Variants in SCAI observed in about 807,000 individuals in gnomAD.
SCAI encodes protein SCAI.
SCAI carries 24 observed loss-of-function variants against 92.2 expected under a neutral mutation model. The observed-to-expected ratio is 0.26, with a 90% CI of 0.19 to 0.37. The LOEUF is 0.37. Among genes scored for constraint, SCAI ranks in the 10% least tolerant of loss-of-function variants. SCAI has a pLI of 1.00. For missense variants in SCAI, 450 were observed against 736.2 expected (o/e 0.61, Z 4.50); for synonymous variants, 261 against 258.6 (o/e 1.01, Z -0.09).
chr9:125,021,487 G>A (rs1314773345), intron 6 of SCAI, among the ~76,000 whole-genome samples: 1 of 151,960 alleles, frequency 6.6e-6, no homozygotes, highest in Non-Finnish European at 1.5e-5. Context: ...CTACTTCTTT[G>A]TTATTGTTCT....
At chr9:124,989,564 AGAGT>A (rs1832072949) in intron 14 of SCAI, among the ~76,000 whole-genome samples, 2 of 151,728 alleles carry the variant, frequency 1.3e-5, no homozygotes, top group African/African-American at 4.8e-5. Flanking sequence ...CTGGGTGACA[AGAGT>A]GAGACTGCAT....
intron 17 of SCAI, among the ~76,000 whole-genome samples, chr9:124,960,871 C>T (rs1831422276): frequency 6.6e-6 from 1 of 152,166 alleles, no homozygotes; most frequent in Non-Finnish European, 1.5e-5. Context: ...TATTACCCCA[C>T]TTTGGGAGGC....
intron 2 of SCAI, among the ~76,000 whole-genome samples, chr9:125,075,463 C>T (rs1298534312): frequency 6.6e-6 from 1 of 151,228 alleles, no homozygotes; most frequent in Non-Finnish European, 1.5e-5. Context: ...GTGGCATGAT[C>T]TCCCGGCTCA....
rs144047566 is a variant in SCAI, at chr9:124,983,162, T to TAA, written c.1327-6978_1327-6977dup. On this transcript the variant is annotated intron_variant, in intron 14 of 17. Transcript: ENST00000336505. ...GGTGACAGAATGAAAACCTGTCTCT[T>TAA]AAAAAAAAAAAAAAAAGCATTCACT... Among the ~76,000 whole-genome samples the TAA allele has an allele frequency of 1.6e-4, 22 of 138,744 alleles. No homozygotes were observed. The South Asian group carries it at 2.3e-3, about 15-fold the overall frequency. 91.0% of individuals were successfully genotyped at this position (138,744 alleles called of 152,430 possible).
intron 2 of SCAI, among the ~76,000 whole-genome samples, chr9:125,141,948 G>A (rs2131280433): frequency 6.6e-6 from 1 of 152,124 alleles, no homozygotes; most frequent in African/African-American, 2.4e-5. Context: ...TTTGAGGCAG[G>A]GTCTTGCTGT....
At chr9:124,979,609 G>A (rs996502503) in intron 14 of SCAI, among the ~76,000 whole-genome samples, 68 of 152,240 alleles carry the variant, frequency 4.5e-4, no homozygotes, top group African/African-American at 1.6e-3. Context: ...TTTTCTAAAA[G>A]GATAAGAAAC....
At chr9:124,959,292 G>GA (rs371851172) in intron 17 of SCAI, among the ~76,000 whole-genome samples, 20,509 of 128,226 alleles carry the variant, frequency 0.16, 1,779 homozygotes, top group Admixed American at 0.25. Context: ...CATTTCAAAT[G>GA]AAAAAAAAAA....
intron 11 of SCAI, among the ~76,000 whole-genome samples, chr9:125,002,451 T>C (rs1280496836): frequency 6.6e-6 from 1 of 150,996 alleles, no homozygotes; most frequent in Admixed American, 6.6e-5. Context: ...CTTGACTATA[T>C]AAGAAGCCTA....
chr9:124,995,861 C>T (rs1030837438), intron 13 of SCAI, among the ~76,000 whole-genome samples: 11 of 152,068 alleles, frequency 7.2e-5, no homozygotes, highest in African/African-American at 2.7e-4. Flanking sequence ...GACTGGCCCA[C>T]AGAAGAGCTA....
chr9:125,066,308 T>C (rs1373637314), intron 2 of SCAI, among the ~76,000 whole-genome samples: 1 of 152,174 alleles, frequency 6.6e-6, no homozygotes, highest in Non-Finnish European at 1.5e-5. Flanking sequence ...TTCTAAAATC[T>C]ACAGAAGTGT....
chr9:125,136,895 G>T (rs573436212), intron 2 of SCAI, among the ~76,000 whole-genome samples: 1 of 151,772 alleles, frequency 6.6e-6, no homozygotes, highest in Non-Finnish European at 1.5e-5. Flanking sequence ...CAAGTAACTG[G>T]GATTACAGGC....
At position 125,113,903 on chromosome 9, in the gene SCAI, G is replaced by A. The variant is rs555236352; in HGVS notation, c.98+28730C>T. ...CTTGAAAGCGGGAGGCGGAGTCTGC[G>A]GTGAGCCGAGATCACGCCATTGCAC... On this transcript the variant is annotated intron_variant, in intron 2 of 17. Coordinates refer to ENST00000336505, the MANE Select transcript of SCAI (RefSeq NM_001144877.3). Among the ~76,000 whole-genome samples, 65 of 152,146 alleles carry A rather than the reference G, an allele frequency of 4.3e-4. No homozygotes were observed. The South Asian group carries it at 0.011, about 26-fold the overall frequency.
At chr9:125,129,756 G>A (rs182426965) in intron 2 of SCAI, among the ~76,000 whole-genome samples, 63 of 151,726 alleles carry the variant, frequency 4.2e-4, no homozygotes, top group African/African-American at 1.3e-3. Context: ...GAGCCACCAC[G>A]CATGGGCAAA....
At chr9:125,129,257 A>G (rs975134117) in intron 2 of SCAI, among the ~76,000 whole-genome samples, 3 of 151,088 alleles carry the variant, frequency 2.0e-5, no homozygotes, top group African/African-American at 4.9e-5. Context: ...CCTGGTTAAC[A>G]TGGTGAAACC....
rs956787507 is a variant in SCAI at position 125,029,667 on chromosome 9, G to A, written c.303C>T (p.Leu101=). 3 of 1,612,054 alleles carry A rather than the reference G, an allele frequency of 1.9e-6. No individual in the cohort carries two copies. Among genetic ancestry groups the A allele is most frequent in the Admixed American group, 1.7e-5 (1 of 59,932 alleles). ...ACCGATGCTGCTGCTGGAACTTCCA[G>A]AGTTTGGTGTAAACATCAAAAGTTC... ...FGRTFDVYTK[L]WKFQQQHRQV... Residue 101 remains leucine (L), a synonymous_variant, in exon 4 of 18, where the codon CTC becomes CTT. Transcript: ENST00000336505.
At chr9:125,009,377 C>CT (rs1329455722) in intron 9 of SCAI, among the ~76,000 whole-genome samples, 1 of 152,182 alleles carries the variant, frequency 6.6e-6, no homozygotes, top group Non-Finnish European at 1.5e-5. Context: ...CCAAGCAATT[C>CT]TCCTGCCTCA....
intron 3 of SCAI, among the ~76,000 whole-genome samples, chr9:125,039,385 CAA>C (rs58716034): frequency 2.1e-5 from 1 of 48,334 alleles, no homozygotes; most frequent in African/African-American, 8.5e-5. Context: ...GACTCCATCT[CAA>C]AAAAAAAAAA....
intron 3 of SCAI, among the ~76,000 whole-genome samples, chr9:125,043,980 G>T (rs1240592285): frequency 6.6e-6 from 1 of 152,064 alleles, no homozygotes; most frequent in Non-Finnish European, 1.5e-5. Flanking sequence ...GTGTTCTCAG[G>T]GTCTTAAGAA....
intron 9 of SCAI, among the ~76,000 whole-genome samples, chr9:125,018,481 T>C (rs991851531): frequency 6.6e-6 from 1 of 152,192 alleles, no homozygotes; most frequent in African/African-American, 2.4e-5. Flanking sequence ...ACTTAGATAG[T>C]TGTAACATTT....
Sources: gnomAD v4.1 joint callset for allele counts (sites outside exome capture counted in the v4.1 genomes callset) on GRCh38, gnomAD v4.1.1 for gene constraint, MANE v1.5 for transcripts, NCBI Gene and HGNC (gene_info 2026-07-23, HGNC 2026-07-21) for gene names.